FAXC: variants seen among roughly 807,000 people sequenced by gnomAD.
The protein encoded by FAXC is failed axon connections homolog, metaxin like GST domain containing.
In FAXC, 10 loss-of-function variants were observed where a neutral mutation model predicts 41.9. The ratio of observed to expected loss-of-function variants is 0.24; its 90% CI spans 0.15 to 0.41. The LOEUF (loss-of-function observed/expected upper bound fraction) is 0.41, where lower values mean the gene tolerates loss of function less well. FAXC is among the 10% of genes least tolerant of loss of function. FAXC has a pLI of 1.00. For synonymous variants in FAXC, 183 were observed against 183.8 expected (o/e 1.00, Z 0.03); for missense variants, 399 against 510.9 (o/e 0.78, Z 2.11).
At chr6:99,303,217 T>G (rs1771780867) in intron 4 of FAXC, among the ~76,000 whole-genome samples, 1 of 152,146 alleles carries the variant, frequency 6.6e-6, no homozygotes, top group East Asian at 1.9e-4. Flanking sequence ...TTCTTGTGAT[T>G]TTGTCTAGAT....
At position 99,279,443 on chromosome 6, in the gene FAXC, A is replaced by G. The variant is rs1770744328; in HGVS notation, c.*1721T>C. The G allele has an allele frequency of 6.6e-6, 1 of 150,434 alleles. No individual in the cohort carries two copies. The highest frequency in any genetic ancestry group is 2.2e-4 in the South Asian group (1 of 4,546). The allele number at this position is 150,434 out of a possible 1,614,324, so 9.3% of individuals were successfully genotyped here. ...AGCAGTCTTTTAAGATTGTTTTGCA[A>G]ATGCTATATTCAAAAAGAGGTTTTT... On this transcript the variant is annotated 3_prime_UTR_variant, in exon 6 of 6. Coordinates refer to ENST00000389677, the MANE Select transcript of FAXC (RefSeq NM_032511.4).
intron 4 of FAXC, among the ~76,000 whole-genome samples, chr6:99,310,330 C>A (rs527343279): frequency 6.0e-4 from 91 of 152,356 alleles, no homozygotes; most frequent in South Asian, 1.4e-3. Context: ...CCTCACGCGG[C>A]CCTTCCCTCC....
chr6:99,313,517 T>G (rs913784153), intron 4 of FAXC, among the ~76,000 whole-genome samples: 1 of 152,158 alleles, frequency 6.6e-6, no homozygotes, highest in African/African-American at 2.4e-5. Context: ...AATATGGCAA[T>G]TTTTTTATAT....
chr6:99,280,937 A>G lies in FAXC; in HGVS notation c.*227T>C, dbSNP rs1770807306. 1 of 479,346 alleles carries G rather than the reference A, an allele frequency of 2.1e-6. No homozygotes were observed. Among genetic ancestry groups the G allele is most frequent in the Non-Finnish European group, 3.7e-6 (1 of 267,930 alleles). The allele number at this position is 479,346 out of a possible 1,614,324, so 29.7% of individuals were successfully genotyped here. A position where few individuals can be genotyped will look rare whatever the true frequency, so the allele number is the denominator to read the frequency against. On this transcript the variant is annotated 3_prime_UTR_variant, in exon 6 of 6. Coordinates refer to ENST00000389677, the MANE Select transcript of FAXC (RefSeq NM_032511.4). ...AATGAAAACAAAAATGGATTTCAGG[A>G]ACCATGCTGACATTATTTTTTGCCT...
Position 99,349,477 on chromosome 6 carries a change from C to A in FAXC, c.-105G>T, listed in dbSNP as rs1305962975. 1 of 852,040 alleles carries A rather than the reference C, an allele frequency of 1.2e-6. No individual in the cohort carries two copies. Among genetic ancestry groups the A allele is most frequent in the South Asian group, 5.1e-5 (1 of 19,536 alleles). The allele number at this position is 852,040 out of a possible 1,614,324, so 52.8% of individuals were successfully genotyped here. On this transcript the variant is annotated 5_prime_UTR_variant, in exon 1 of 6. Transcript: ENST00000389677. ...CTCAGAGGCGCGCGGAGGGCGCGGG[C>A]GGCGCGGGCGGCGGCGACTGAGGAG...
chr6:99,349,008 G>T, intron 1 of FAXC, 99 bp downstream of exon 1: 1 of 1,197,438 alleles, frequency 8.4e-7, no homozygotes, highest in Non-Finnish European at 1.2e-6. Flanking sequence ...CATCTGGGCA[G>T]CTTGACCGAG....
At position 99,279,131 on chromosome 6, in the gene FAXC, C is replaced by T. The variant is rs1770732543; in HGVS notation, c.*2033G>A. 6.6e-6 allele frequency: 1 copy of T among 152,166 alleles called. No individual in the cohort carries two copies. The highest frequency in any genetic ancestry group is 1.5e-5 in the Non-Finnish European group (1 of 68,032). The allele number at this position is 152,166 out of a possible 1,614,324, so 9.4% of individuals were successfully genotyped here. ...GAAATGCCACCAGTTGGCCTTAAAA[C>T]ACACTTGCTAGAGAGAGGGGAGGCA... On this transcript the variant is annotated 3_prime_UTR_variant, in exon 6 of 6. Coordinates refer to ENST00000389677, the MANE Select transcript of FAXC (RefSeq NM_032511.4).
At chr6:99,348,488 G>A (rs954691225) in intron 1 of FAXC, among the ~76,000 whole-genome samples, 1 of 152,162 alleles carries the variant, frequency 6.6e-6, no homozygotes, top group African/African-American at 2.4e-5. Flanking sequence ...ACACCCATGT[G>A]CTAGCCTGTC....
intron 2 of FAXC, chr6:99,334,523 C>T (rs1048763803): frequency 2.9e-5 from 17 of 587,172 alleles, no homozygotes; most frequent in Non-Finnish European, 3.6e-5. Flanking sequence ...GATGTTACCC[C>T]AGGAGAAATG....
At chr6:99,334,403 C>T (rs1386846267) in intron 2 of FAXC, among the ~76,000 whole-genome samples, 2 of 152,128 alleles carry the variant, frequency 1.3e-5, no homozygotes, top group African/African-American at 2.4e-5. Context: ...CCAAGGTTTG[C>T]GGCTTGGCAA....
upstream of FAXC, chr6:99,349,927 G>A (rs1562193333): frequency 6.6e-6 from 1 of 152,092 alleles, no homozygotes; most frequent in Non-Finnish European, 1.5e-5. Flanking sequence ...TCGGGGCCCG[G>A]ATCCCGGTCC....
At chr6:99,343,533 T>C (rs534690328) in intron 1 of FAXC, among the ~76,000 whole-genome samples, 20 of 152,316 alleles carry the variant, frequency 1.3e-4, no homozygotes, top group African/African-American at 4.6e-4. Flanking sequence ...GTTTTATAGA[T>C]GAGGAAATTA....
At chr6:99,335,470 C>T (rs1467709430) in intron 2 of FAXC, among the ~76,000 whole-genome samples, 1 of 152,206 alleles carries the variant, frequency 6.6e-6, no homozygotes, top group Non-Finnish European at 1.5e-5. Context: ...AATGCTATTG[C>T]TTCCTTAAAC....
rs1770647362 is a variant in FAXC at position 99,276,883 on chromosome 6, T to C, written c.*4281A>G. ...ACAAACAAAAAGTGAAAATTCACTA[T>C]TTAATGGTATGTGACTCACTCTCTG... is the stretch of plus-strand genomic sequence containing the variant. On this transcript the variant is annotated 3_prime_UTR_variant, in exon 6 of 6. Transcript: ENST00000389677. 1 of 152,252 alleles carries C rather than the reference T, an allele frequency of 6.6e-6. No homozygotes were observed. Among genetic ancestry groups the C allele is most frequent in the African/African-American group, 2.4e-5 (1 of 41,470 alleles). 9.4% of individuals were successfully genotyped at this position (152,252 alleles called of 1,614,324 possible). A position where few individuals can be genotyped will look rare whatever the true frequency, so the allele number is the denominator to read the frequency against.
Position 99,323,455 on chromosome 6 carries a change from G to A in FAXC, c.812C>T (p.Ala271Val). ...MLMEKDMRSL[A>V]GLLGDKKYIM... ...GTGTGGTACATTACCCAAAAGCCCT[G>A]CTAAAGACCGCATGTCCTTCTCCAT... The change falls in exon 4 of 6, where the codon GCA (alanine) becomes GTA (valine). Residue 271 changes from alanine to valine, a missense_variant. Ala to Val is a moderately conservative substitution (Grantham distance 64). Coordinates refer to ENST00000389677, the MANE Select transcript of FAXC (RefSeq NM_032511.4). The A allele has an allele frequency of 6.2e-7, 1 of 1,614,074 alleles. No individual in the cohort carries two copies. Among genetic ancestry groups the A allele is most frequent in the Admixed American group, 1.7e-5 (1 of 60,026 alleles).
chr6:99,347,841 A>T (rs1773655637), intron 1 of FAXC, among the ~76,000 whole-genome samples: 1 of 152,262 alleles, frequency 6.6e-6, no homozygotes, highest in African/African-American at 2.4e-5. Context: ...TAATCTAGAG[A>T]GATAATTCTC....
chr6:99,301,099 T>C (rs544276312), intron 4 of FAXC, among the ~76,000 whole-genome samples: 1 of 152,364 alleles, frequency 6.6e-6, no homozygotes, highest in South Asian at 2.1e-4. Context: ...TAAAAATCTT[T>C]AACCACCAGC....
chr6:99,293,780 G>C (rs1438643941), intron 4 of FAXC, among the ~76,000 whole-genome samples: 2 of 147,782 alleles, frequency 1.4e-5, no homozygotes, highest in African/African-American at 2.5e-5. Flanking sequence ...TGAAAGTAAG[G>C]GTCAATTCTT....
chr6:99,303,442 G>T (rs9373110), intron 4 of FAXC, among the ~76,000 whole-genome samples: 7,282 of 152,256 alleles, frequency 0.048, 477 homozygotes, highest in East Asian at 0.34. Context: ...GAACTCCAGG[G>T]TCTAGAACTC....
Sources: gnomAD v4.1 joint callset for allele counts (sites outside exome capture counted in the v4.1 genomes callset) on GRCh38, gnomAD v4.1.1 for gene constraint, MANE v1.5 for transcripts, NCBI Gene and HGNC (gene_info 2026-07-23, HGNC 2026-07-21) for gene names.